The following PTCHD4 variants were observed in gnomAD, a reference collection of about 807,000 sequenced individuals.
PTCHD4 encodes patched domain-containing protein 4.
In PTCHD4, 33 loss-of-function variants were observed where a neutral mutation model predicts 58.1. The ratio of observed to expected loss-of-function variants is 0.57; its 90% CI spans 0.43 to 0.76. The LOEUF (loss-of-function observed/expected upper bound fraction) is 0.76, where lower values mean the gene tolerates loss of function less well. Among genes scored for constraint, PTCHD4 ranks in the 30% least tolerant of loss-of-function variants. The pLI is 0.00. For synonymous variants in PTCHD4, 478 were observed against 409.6 expected, an observed-to-expected ratio of 1.17 and a Z score of -2.02; for missense variants, 1,058 against 1,027.1, an observed-to-expected ratio of 1.03 and a Z score of -0.41.
intron 4 of PTCHD4, among the ~76,000 whole-genome samples, chr6:47,961,722 C>G (rs1488886182): frequency 1.3e-5 from 2 of 152,010 alleles, no homozygotes; most frequent in East Asian, 3.9e-4. Context: ...TTATTTTAAA[C>G]TGAATAAAAA....
At position 47,857,921 on chromosome 6, in the gene PTCHD4, A is replaced by G. The variant is rs1262850604; in HGVS notation, c.*20382T>C. ...ACTATAAATAGTTCTATATCAAGGTACACATATGTACCTTGAAGACTAACA... is the reference window on the plus strand; with the variant it reads ...ACTATAAATAGTTCTATATCAAGGTGCACATATGTACCTTGAAGACTAACA... On this transcript the variant is annotated 3_prime_UTR_variant, in exon 5 of 5. Transcript: ENST00000339488. Among the ~76,000 whole-genome samples, 2 of 152,044 alleles carry G rather than the reference A, an allele frequency of 1.3e-5. No homozygotes were observed. The highest frequency in any genetic ancestry group is 2.9e-5 in the Non-Finnish European group (2 of 67,980).
chr6:47,891,045 TA>T (rs59150823), intron 4 of PTCHD4: 249 of 125,966 alleles, frequency 2.0e-3, no homozygotes, highest in Non-Finnish European at 2.3e-3. Context: ...TTGCATCAAC[TA>T]AAAAAAAAAA....
Position 47,868,130 on chromosome 6 carries a change from AGTT to A in PTCHD4, c.*10170_*10172del, listed in dbSNP as rs1483758568. Among the ~76,000 whole-genome samples the A allele has an allele frequency of 2.0e-5, 3 of 151,772 alleles. No individual in the cohort carries two copies. The highest frequency in any genetic ancestry group is 7.2e-5 in the African/African-American group (3 of 41,396). Reference sequence around the variant, plus strand: ...CTAAATAAAAAAAAGGTTTCAGTTCAGTTGTTTAGTCCCTTCTTCAACAGTTTT... The same window carrying A: ...CTAAATAAAAAAAAGGTTTCAGTTCAGTTTAGTCCCTTCTTCAACAGTTTT... On this transcript the variant is annotated 3_prime_UTR_variant, in exon 5 of 5. Coordinates refer to ENST00000339488, the MANE Select transcript of PTCHD4 (RefSeq NM_001384253.1).
intron 3 of PTCHD4, among the ~76,000 whole-genome samples, chr6:48,043,547 T>C (rs1348425398): frequency 6.6e-6 from 1 of 151,938 alleles, no homozygotes; most frequent in African/African-American, 2.4e-5. Context: ...CAAATTTCTT[T>C]ATTTTTAGTT....
Position 48,008,815 on chromosome 6 carries a change from C to T in PTCHD4, c.717G>A (p.Val239=), listed in dbSNP as rs1472016306. The part of the protein sequence containing the change: ...LARSKVLVSL[V]LILTTATLSS... ...AGAGGGTGGCTGTGGTCAGGATCAG[C>T]ACGAGGCTCACCAGGACCTTGCTTC... Residue 239 remains valine (V), a synonymous_variant, in exon 4 of 5, where the codon GTG becomes GTA. Coordinates refer to ENST00000339488, the MANE Select transcript of PTCHD4 (RefSeq NM_001384253.1). 6.2e-7 allele frequency: 1 copy of T among 1,613,980 alleles called. No homozygotes were observed. The highest frequency in any genetic ancestry group is 1.7e-5 in the Admixed American group (1 of 60,000).
Position 47,860,088 on chromosome 6 carries a change from C to A in PTCHD4, c.*18215G>T, listed in dbSNP as rs942533922. 3.9e-5 allele frequency among the ~76,000 whole-genome samples: 6 copies of A among 152,026 alleles called. No individual in the cohort carries two copies. Among genetic ancestry groups the A allele is most frequent in the African/African-American group, 1.4e-4 (6 of 41,440 alleles). On this transcript the variant is annotated 3_prime_UTR_variant, in exon 5 of 5. Coordinates refer to ENST00000339488, the MANE Select transcript of PTCHD4 (RefSeq NM_001384253.1). ...TCAAGGCCTATTTGAAGCTGCATTTCCTTCTTGAAGTATTCCCCTTTAATG... is the reference window on the plus strand; with the variant it reads ...TCAAGGCCTATTTGAAGCTGCATTTACTTCTTGAAGTATTCCCCTTTAATG...
chr6:48,063,333 T>C (rs1430802946), intron 3 of PTCHD4, among the ~76,000 whole-genome samples: 4 of 152,212 alleles, frequency 2.6e-5, no homozygotes, highest in Admixed American at 2.0e-4. Context: ...GTCACCTTCC[T>C]ATGAGCCAGT....
At chr6:48,058,737 C>A (rs1272255687) in intron 3 of PTCHD4, among the ~76,000 whole-genome samples, 1 of 152,068 alleles carries the variant, frequency 6.6e-6, no homozygotes, top group Non-Finnish European at 1.5e-5. Flanking sequence ...ACTTTCAGAC[C>A]CAGTGCACAC....
At chr6:48,107,899 C>A (rs13216352) in intron 1 of PTCHD4, among the ~76,000 whole-genome samples, 27 of 151,954 alleles carry the variant, frequency 1.8e-4, no homozygotes, top group African/African-American at 2.7e-4. Flanking sequence ...AACCACAATG[C>A]GATACCATCT....
chr6:47,945,537 T>TTTTACACTTTTTA (rs1215643682), intron 4 of PTCHD4, among the ~76,000 whole-genome samples: 5 of 152,050 alleles, frequency 3.3e-5, no homozygotes, highest in African/African-American at 1.2e-4. Flanking sequence ...ATTGTTTAGT[T>TTTTACACTTTTTA]TTGCTTATTT....
At position 48,068,332 on chromosome 6, in the gene PTCHD4, A is replaced by G. The variant is rs767913161; in HGVS notation, c.315T>C (p.Pro105=). Residue 105 remains proline, a synonymous_variant, in exon 3 of 5, where the codon CCT becomes CCC. Transcript: ENST00000339488. The surrounding 1 kb of genome is among the most constrained non-coding windows in gnomAD (Gnocchi z 4.2). ...KSQLYSDLHT[P]GRYGRVILLS... is the part of the protein sequence containing the mutation. ...GGAGGATCACCCTGCCATACCTCCC[A>G]GGGGTGTGTAAGTCCGAATAGAGCT... is the stretch of plus-strand genomic sequence containing the variant. 1.4e-5 allele frequency: 22 copies of G among 1,613,890 alleles called. No homozygotes were observed. Among genetic ancestry groups the G allele is most frequent in the Non-Finnish European group, 1.9e-5 (22 of 1,179,842 alleles).
chr6:48,002,241 C>T (rs141087163), intron 4 of PTCHD4, among the ~76,000 whole-genome samples: 1 of 152,252 alleles, frequency 6.6e-6, no homozygotes, highest in East Asian at 1.9e-4. Flanking sequence ...TACCATTTGA[C>T]CCAGCCATCC....
chr6:47,915,206 T>C (rs910298248), intron 4 of PTCHD4, among the ~76,000 whole-genome samples: 1 of 152,112 alleles, frequency 6.6e-6, no homozygotes, highest in African/African-American at 2.4e-5. Flanking sequence ...CATGTCAATA[T>C]GGATTGTAAA....
At chr6:47,924,265 C>G (rs1049853415) in intron 4 of PTCHD4, among the ~76,000 whole-genome samples, 8 of 151,842 alleles carry the variant, frequency 5.3e-5, no homozygotes, top group African/African-American at 1.9e-4. Flanking sequence ...TGAGTCATGA[C>G]TACATGGAAA....
intron 1 of PTCHD4, among the ~76,000 whole-genome samples, chr6:48,089,058 A>G (rs1295549141): frequency 6.6e-6 from 1 of 152,092 alleles, no homozygotes; most frequent in Non-Finnish European, 1.5e-5. Flanking sequence ...AAACAAATAA[A>G]TAAATAAATA....
chr6:47,920,753 T>C (rs1030485257), intron 4 of PTCHD4, among the ~76,000 whole-genome samples: 1 of 152,098 alleles, frequency 6.6e-6, no homozygotes, highest in Non-Finnish European at 1.5e-5. Flanking sequence ...ACACATAGTG[T>C]AAAGAATTAG....
At chr6:47,910,869 C>G (rs181870032) in intron 4 of PTCHD4, among the ~76,000 whole-genome samples, 1 of 152,104 alleles carries the variant, frequency 6.6e-6, no homozygotes, top group South Asian at 2.1e-4. Context: ...CTTCTCCTCA[C>G]GTATAAATAT....
In PTCHD4 at chr6:47,869,134, C is replaced by T. The variant is rs1763652036; in HGVS notation, c.*9169G>A. 6.6e-6 allele frequency among the ~76,000 whole-genome samples: 1 copy of T among 151,662 alleles called. No individual in the cohort carries two copies. The highest frequency in any genetic ancestry group is 2.4e-5 in the African/African-American group (1 of 41,370). ...ATATTTTGAATGTTGGTTATCTATG[C>T]GTTATGTATAATGCCACCACATTAT... On this transcript the variant is annotated 3_prime_UTR_variant, in exon 5 of 5. Coordinates refer to ENST00000339488, the MANE Select transcript of PTCHD4 (RefSeq NM_001384253.1).
chr6:48,061,137 T>A (rs1013231304), intron 3 of PTCHD4, among the ~76,000 whole-genome samples: 18 of 152,224 alleles, frequency 1.2e-4, no homozygotes, highest in Non-Finnish European at 2.5e-4. Flanking sequence ...TTAACATAAT[T>A]GGAGTAACTA....
Sources: gnomAD v4.1 joint callset for allele counts (sites outside exome capture counted in the v4.1 genomes callset) on GRCh38, gnomAD v4.1.1 for gene constraint, Gnocchi (gnomAD v3.1) non-coding constraint, MANE v1.5 for transcripts, NCBI Gene and HGNC (gene_info 2026-07-23, HGNC 2026-07-21) for gene names.